The following AMACR variants were observed in gnomAD, a reference collection of about 807,000 sequenced individuals.
AMACR encodes 2-methylacyl-CoA racemase.
Under a neutral mutation model 22.2 loss-of-function variants are expected in AMACR, and 18 were observed. The observed-to-expected ratio is 0.81, with a 90% CI of 0.56 to 1.20. The LOEUF (loss-of-function observed/expected upper bound fraction) is 1.20. AMACR is among the 50% of genes most tolerant of loss of function. The pLI is 0.00. For synonymous variants in AMACR, 213 were observed against 191.3 expected, an observed-to-expected ratio of 1.11 and a Z score of -0.94; for missense variants, 499 against 490.6, an observed-to-expected ratio of 1.02 and a Z score of -0.16.
rs775494356 is a variant in AMACR, at chr5:33,989,165, G to A, written c.1077C>T (p.Phe359=). ...TAAGCTGATAAATCTCTTCGCGGCT[G>A]AATCCAAATTCTTCAAGTATCTCCT... The part of the protein sequence containing the change: ...HTEEILEEFG[F]SREEIYQLNS... Residue 359 remains phenylalanine, a synonymous_variant, in exon 5 of 5, where the codon TTC becomes TTT. Coordinates refer to ENST00000335606, the MANE Select transcript of AMACR (RefSeq NM_014324.6). 1 of 1,614,160 alleles carries A rather than the reference G, an allele frequency of 6.2e-7. No homozygotes were observed. The highest frequency in any genetic ancestry group is 8.5e-7 in the Non-Finnish European group (1 of 1,180,012).
intron 2 of AMACR, among the ~76,000 whole-genome samples, chr5:34,005,504 C>A (rs555305418): frequency 6.6e-6 from 1 of 152,262 alleles, no homozygotes; most frequent in African/African-American, 2.4e-5. Flanking sequence ...TGAGAATTGA[C>A]TCAACAAATG....
In AMACR at chr5:33,990,162, A is replaced by C. The variant is rs550836279; in HGVS notation, c.740-660T>G. Among the ~76,000 whole-genome samples, 3 of 152,304 alleles carry C rather than the reference A, an allele frequency of 2.0e-5. No homozygotes were observed. In the East Asian group the frequency reaches 5.8e-4, roughly 29 times the overall value. ...TCATCCATCATCCATCCACCCATCC[A>C]TCCATCCATACAAACATACATACAT... On this transcript the variant is annotated intron_variant, in intron 4 of 4. Transcript: ENST00000335606.
rs1753468197 is a variant in AMACR, at chr5:33,991,401, G to A, written c.740-1899C>T. On this transcript the variant is annotated intron_variant, in intron 4 of 4. Coordinates refer to ENST00000335606, the MANE Select transcript of AMACR (RefSeq NM_014324.6). ...ACTTGGAATCCAGTCCCAAGTCTCAGAATCCATAATTGTATAAATACAGTT... is the reference window on the plus strand; with the variant it reads ...ACTTGGAATCCAGTCCCAAGTCTCAAAATCCATAATTGTATAAATACAGTT... 2.6e-5 allele frequency among the ~76,000 whole-genome samples: 4 copies of A among 152,164 alleles called. No individual in the cohort carries two copies. The South Asian group carries it at 8.3e-4, about 31-fold the overall frequency.
intron 3 of AMACR, among the ~76,000 whole-genome samples, chr5:34,003,442 A>T (rs1753879749): frequency 6.6e-6 from 1 of 152,200 alleles, no homozygotes; most frequent in South Asian, 2.1e-4. Flanking sequence ...TCTCATAGCA[A>T]CTAACAATGC....
chr5:34,002,533 A>C (rs570050079), intron 3 of AMACR, among the ~76,000 whole-genome samples: 15 of 152,256 alleles, frequency 9.9e-5, no homozygotes, highest in African/African-American at 3.6e-4. Flanking sequence ...CAGCAGGGGA[A>C]GTTGTTGAAA....
chr5:33,993,235 G>A (rs188339304), intron 4 of AMACR, among the ~76,000 whole-genome samples: 3 of 152,218 alleles, frequency 2.0e-5, no homozygotes, highest in African/African-American at 4.8e-5. Flanking sequence ...ATTCATCTCT[G>A]TTGTAACGTG....
Position 34,007,819 on chromosome 5 carries a change from C to T in AMACR, c.201G>A (p.Arg67=). ...GCACATCCGACCGCTTGCACAGACG[C>T]CGCAGCACGGCGGCTCCCCGCGGCT... is the stretch of plus-strand genomic sequence containing the variant. ...LKQPRGAAVL[R]RLCKRSDVLL... The change falls in exon 1 of 5, where the codon CGG becomes CGA. Residue 67 remains arginine (R), a synonymous_variant. Coordinates refer to ENST00000335606, the MANE Select transcript of AMACR (RefSeq NM_014324.6). 6.3e-7 allele frequency: 1 copy of T among 1,577,554 alleles called. No individual in the cohort carries two copies.
At chr5:34,005,611 C>T in intron 2 of AMACR, 145 bp downstream of exon 2, 1 of 1,010,312 alleles carries the variant, frequency 9.9e-7, no homozygotes, top group Non-Finnish European at 1.4e-6. Context: ...AAGACTCAAA[C>T]CGATCCATTT....
chr5:33,997,481 T>G, intron 4 of AMACR: 1 of 779,868 alleles, frequency 1.3e-6, no homozygotes, highest in Non-Finnish European at 2.4e-6. Flanking sequence ...ACGATACTGC[T>G]TCCTGTTGTA....
At chr5:33,990,284 C>G (rs566687419) in intron 4 of AMACR, among the ~76,000 whole-genome samples, 6 of 152,302 alleles carry the variant, frequency 3.9e-5, no homozygotes, top group Non-Finnish European at 4.4e-5. Context: ...ATAAACAAAA[C>G]AGAAACTTAT....
At chr5:34,005,627 AC>A in intron 2 of AMACR, 128 bp downstream of exon 2, 3 of 1,116,704 alleles carry the variant, frequency 2.7e-6, no homozygotes, top group Non-Finnish European at 3.8e-6. Context: ...CATTTTGAAC[AC>A]CCATGCTCTC....
intron 3 of AMACR, 128 bp from the exon 4 acceptor site, chr5:33,998,955 T>A: frequency 1.2e-6 from 1 of 802,708 alleles, no homozygotes; most frequent in Non-Finnish European, 2.0e-6. Context: ...AGATTCTACC[T>A]AATTACACAA....
At chr5:34,002,556 G>T (rs938266891) in intron 3 of AMACR, among the ~76,000 whole-genome samples, 1 of 152,142 alleles carries the variant, frequency 6.6e-6, no homozygotes, top group Non-Finnish European at 1.5e-5. Flanking sequence ...AGTGGCTTTA[G>T]GGTCCAACTG....
At chr5:33,990,965 A>C (rs1255024372) in intron 4 of AMACR, among the ~76,000 whole-genome samples, 3 of 152,272 alleles carry the variant, frequency 2.0e-5, no homozygotes, top group Non-Finnish European at 4.4e-5. Flanking sequence ...TATAATCTAC[A>C]GGATGTCTTT....
chr5:33,996,324 G>A (rs1404403565), intron 4 of AMACR, among the ~76,000 whole-genome samples: 1 of 151,786 alleles, frequency 6.6e-6, no homozygotes, highest in East Asian at 1.9e-4. Flanking sequence ...AATTTTTTTT[G>A]CAACTCCTGA....
At position 33,986,999 on chromosome 5, in the gene AMACR, ATC is replaced by A. The variant is rs1753311769; in HGVS notation, c.*2092_*2093del. ...GAAAAGTCTGAGTTGTAGGGAAAACATCTTTTTTATTATTATTATTTTTATTT... is the reference window on the plus strand; with the variant it reads ...GAAAAGTCTGAGTTGTAGGGAAAACATTTTTTATTATTATTATTTTTATTT... On this transcript the variant is annotated 3_prime_UTR_variant, in exon 5 of 5. Transcript: ENST00000335606. The A allele has an allele frequency of 6.6e-6, 1 of 151,982 alleles. No individual in the cohort carries two copies. The highest frequency in any genetic ancestry group is 1.5e-5 in the Non-Finnish European group (1 of 67,990). The allele number at this position is 151,982 out of a possible 1,614,324, so 9.4% of individuals were successfully genotyped here.
At chr5:33,991,599 T>C (rs1328420738) in intron 4 of AMACR, among the ~76,000 whole-genome samples, 2 of 152,114 alleles carry the variant, frequency 1.3e-5, no homozygotes, top group Non-Finnish European at 2.9e-5. Flanking sequence ...TTACACAAAA[T>C]GCTTATTCTT....
At chr5:33,989,561 T>C in intron 4 of AMACR, 59 bp from the exon 5 acceptor site, 1 of 1,379,102 alleles carries the variant, frequency 7.3e-7, no homozygotes, top group Non-Finnish European at 1.0e-6. Context: ...TTATAATCAA[T>C]AAAAATGAAT....
At chr5:34,003,721 CA>C (rs1268684349) in intron 3 of AMACR, among the ~76,000 whole-genome samples, 1 of 152,218 alleles carries the variant, frequency 6.6e-6, no homozygotes. Context: ...TTTTATACCT[CA>C]AATGTCCCTT....
Sources: allele counts gnomAD v4.1 joint callset (sites outside exome capture counted in the v4.1 genomes callset), GRCh38; gene constraint gnomAD v4.1.1; transcripts MANE v1.5; gene names NCBI Gene and HGNC (gene_info 2026-07-23, HGNC 2026-07-21).